Variants in HARS1 observed in about 807,000 individuals in gnomAD.
HARS1 encodes histidine--tRNA ligase, cytoplasmic.
A neutral mutation model predicts 63.6 loss-of-function variants in HARS1; 45 were observed. The observed-to-expected ratio is 0.71, with a 90% CI of 0.56 to 0.91. The LOEUF is 0.91. HARS1 is among the 40% of genes least tolerant of loss of function. The probability of loss-of-function intolerance (pLI) is 0.00; values close to 1 mark genes in which losing one functional copy is unlikely to be tolerated. For synonymous variants in HARS1, 205 were observed against 247.1 expected (o/e 0.83, Z 1.60); for missense variants, 508 against 643.2 (o/e 0.79, Z 2.27).
Position 140,677,329 on chromosome 5 carries a change from T to C in HARS1, c.821A>G (p.His274Arg), listed in dbSNP as rs763846364. 1.2e-6 allele frequency: 2 copies of C among 1,608,290 alleles called. No homozygotes were observed. The highest frequency in any genetic ancestry group is 1.1e-5 in the South Asian group (1 of 90,972). The change falls in exon 8 of 13, where the codon CAT becomes CGT. Residue 274 changes from histidine (H) to arginine (R), a missense_variant and splice_region_variant. By Grantham distance (29) the His-to-Arg change is conservative (BLOSUM62 0). Around this residue, in one of 2 missense-constraint regions of HARS1, gnomAD observed 403 missense variants for 548.7 expected, o/e 0.73. Transcript: ENST00000504156. ...GGAGGCTTGGTTCTGTTCCTCACCA[T>C]GTTGCTGGACATAGTCCCCAATGCG... ...ADRIGDYVQQ[H>R]GGVSLVEQLL...
In HARS1 at chr5:140,679,375, G is replaced by A; in HGVS notation, c.397-248C>T. On this transcript the variant is annotated intron_variant, in intron 4 of 12. Transcript: ENST00000504156. The surrounding 1 kb of genome is among the most constrained non-coding windows in gnomAD (Gnocchi z 4.3). ...TGGACTTTTTTGAGCATGGCAAGGG[G>A]CTGGGCAGGTTGGCCACAGACCAGA... 1 of 451,812 alleles carries A rather than the reference G, an allele frequency of 2.2e-6. No homozygotes were observed. Among genetic ancestry groups the A allele is most frequent in the East Asian group, 4.0e-5 (1 of 24,800 alleles). 28.0% of individuals were successfully genotyped at this position (451,812 alleles called of 1,614,324 possible). A position where few individuals can be genotyped will look rare whatever the true frequency, so the allele number is the denominator to read the frequency against.
intron 2 of HARS1, among the ~76,000 whole-genome samples, chr5:140,687,246 T>C (rs1214492826): frequency 1.3e-5 from 2 of 152,184 alleles, no homozygotes; most frequent in Non-Finnish European, 2.9e-5. Context: ...AGTAAGTTTT[T>C]GGCCAGGCAT....
At chr5:140,677,800 T>A (rs566469622) in intron 6 of HARS1, 47 bp from the exon 7 acceptor site, 2 of 1,413,452 alleles carry the variant, frequency 1.4e-6, no homozygotes, top group East Asian at 2.3e-5. Flanking sequence ...TTTTCTTACA[T>A]GACCTGCAAT....
At chr5:140,675,900 G>A (rs1273268277) in intron 10 of HARS1, 1 of 152,220 alleles carries the variant, frequency 6.6e-6, no homozygotes, top group Non-Finnish European at 1.5e-5. Flanking sequence ...TGGGAAATGG[G>A]TGGTTTCCAC....
intron 2 of HARS1, 65 bp downstream of exon 2, chr5:140,690,790 G>T: frequency 1.1e-6 from 1 of 910,960 alleles, no homozygotes; most frequent in South Asian, 1.3e-5. Context: ...TAGGGAGGCA[G>T]ACATAAGCGC....
intron 2 of HARS1, chr5:140,684,378 C>A: frequency 1.0e-6 from 1 of 984,008 alleles, no homozygotes; most frequent in Non-Finnish European, 1.2e-6. Context: ...GCAATATAAC[C>A]AACTCAAACT....
intron 3 of HARS1, among the ~76,000 whole-genome samples, chr5:140,681,429 C>A (rs1758724153): frequency 6.6e-6 from 1 of 152,072 alleles, no homozygotes; most frequent in Non-Finnish European, 1.5e-5. Context: ...CTTTGGGAGG[C>A]TGGGGTGGGC....
At chr5:140,684,252 T>C in intron 2 of HARS1, 3 of 596,896 alleles carry the variant, frequency 5.0e-6, no homozygotes, top group Non-Finnish European at 6.3e-6. Context: ...ATAGTGCCAC[T>C]GCACTCCAGC....
Position 140,677,928 on chromosome 5 carries a change from T to C in HARS1, c.610A>G (p.Ile204Val). The change falls in exon 6 of 13, where the codon ATA (isoleucine) becomes GTA (valine). Residue 204 changes from isoleucine (I) to valine (V), a missense_variant. Coordinates refer to ENST00000504156, the MANE Select transcript of HARS1 (RefSeq NM_002109.6). The stretch of plus-strand genomic sequence containing the variant: ...CTGACCTTGACCAGGAAGTCGCCTA[T>C]CTGAAGTGAACTCAGGATCTCGCAC... ...IMCEILSSLQ[I>V]GDFLVKVNDR... is the part of the protein sequence containing the mutation. 1.9e-6 allele frequency: 3 copies of C among 1,609,668 alleles called. No individual in the cohort carries two copies. The highest frequency in any genetic ancestry group is 2.6e-6 in the Non-Finnish European group (3 of 1,176,160).
chr5:140,684,287 C>CAAAACAAAAACA (rs201864120), intron 2 of HARS1: 1 of 923,238 alleles, frequency 1.1e-6, no homozygotes, highest in East Asian at 1.2e-4. Flanking sequence ...AAGACTCTGT[C>CAAAACAAAAACA]AAAACAAAAA....
intron 2 of HARS1, among the ~76,000 whole-genome samples, chr5:140,688,364 T>C (rs779124953): frequency 6.6e-6 from 1 of 152,128 alleles, no homozygotes; most frequent in Non-Finnish European, 1.5e-5. Context: ...ACATCTGCTA[T>C]TCTTATTTCA....
chr5:140,686,479 T>G (rs1759038015), intron 2 of HARS1, among the ~76,000 whole-genome samples: 1 of 152,128 alleles, frequency 6.6e-6, no homozygotes, highest in Admixed American at 6.6e-5. Flanking sequence ...CCTCAGGTGA[T>G]CCGCCCACCT....
chr5:140,677,122 G>C lies in HARS1; in HGVS notation c.824-6C>G, dbSNP rs778941029. On this transcript the variant is annotated splice_region_variant and splice_polypyrimidine_tract_variant and intron_variant, in intron 8 of 12. Transcript: ENST00000504156. ...TTCCACCAGGGATACCCCACCTGGG[G>C]AGACAGACTTGTGAGTGAGGCTGAC... The C allele has an allele frequency of 6.2e-7, 1 of 1,613,850 alleles. No homozygotes were observed. Among genetic ancestry groups the C allele is most frequent in the East Asian group, 2.2e-5 (1 of 44,892 alleles).
chr5:140,680,927 G>T (rs1383898061), intron 3 of HARS1, among the ~76,000 whole-genome samples: 1 of 149,196 alleles, frequency 6.7e-6, no homozygotes, highest in Non-Finnish European at 1.5e-5. Context: ...TATTTTTCTT[G>T]ATGATAAACT....
chr5:140,683,318 C>G, intron 2 of HARS1, 99 bp from the exon 3 acceptor site: 6 of 1,271,912 alleles, frequency 4.7e-6, no homozygotes, highest in African/African-American at 1.5e-5. Context: ...AATGAAAAAG[C>G]AAATCCTGCT....
chr5:140,687,940 T>TA (rs1471577343), intron 2 of HARS1: 1 of 152,062 alleles, frequency 6.6e-6, no homozygotes, highest in African/African-American at 2.4e-5. Context: ...CCATCTGTAC[T>TA]AAAAATACAA....
At chr5:140,688,802 G>C (rs1420810595) in intron 2 of HARS1, among the ~76,000 whole-genome samples, 2 of 151,814 alleles carry the variant, frequency 1.3e-5, no homozygotes, top group Non-Finnish European at 2.9e-5. Flanking sequence ...TATGCTTGAT[G>C]TGCCATCTAA....
chr5:140,678,518 C>T (rs1211939145), intron 5 of HARS1: 1 of 163,764 alleles, frequency 6.1e-6, no homozygotes, highest in Non-Finnish European at 1.3e-5. Context: ...TCTCCTCCCC[C>T]ACCACAGGGA....
At chr5:140,674,935 G>T in intron 11 of HARS1, 82 bp downstream of exon 11, 1 of 1,472,818 alleles carries the variant, frequency 6.8e-7, no homozygotes. Context: ...AGTAATGGCA[G>T]GATCCATTAT....
Sources: allele counts gnomAD v4.1 joint callset (sites outside exome capture counted in the v4.1 genomes callset), GRCh38; gene constraint gnomAD v4.1.1; regional missense constraint gnomAD v4.1.1; non-coding constraint Gnocchi (gnomAD v3.1); transcripts MANE v1.5; gene names NCBI Gene and HGNC (gene_info 2026-07-23, HGNC 2026-07-21).